The following MTAP variants were observed in gnomAD, a reference collection of about 807,000 sequenced individuals.
The protein encoded by MTAP is S-methyl-5'-thioadenosine phosphorylase.
MTAP carries 33 observed loss-of-function variants against 33.6 expected under a neutral mutation model. The ratio of observed to expected loss-of-function variants is 0.98; its 90% CI spans 0.74 to 1.31. The LOEUF is 1.31. Ranked by LOEUF, MTAP falls within the 40% of genes most tolerant of loss-of-function variation. MTAP has a pLI of 0.00. For synonymous variants in MTAP, 148 were observed against 125.7 expected (o/e 1.18, Z -1.19); for missense variants, 367 against 360.0 (o/e 1.02, Z -0.16).
At chr9:21,824,887 G>A (rs1824747648) in intron 4 of MTAP, among the ~76,000 whole-genome samples, 1 of 152,178 alleles carries the variant, frequency 6.6e-6, no homozygotes, top group Admixed American at 6.5e-5. Flanking sequence ...TGTGGGCGTG[G>A]GACCCTCCGA....
downstream of MTAP, among the ~76,000 whole-genome samples, chr9:21,940,665 T>TTA (rs1819123081): frequency 4.6e-5 from 7 of 152,122 alleles, no homozygotes; most frequent in South Asian, 1.5e-3. Context: ...GATTGCCAGT[T>TTA]TATAATGAAA....
intron 3 of MTAP, among the ~76,000 whole-genome samples, 171 bp downstream of exon 3, chr9:21,816,943 A>C (rs1824490656): frequency 6.6e-6 from 1 of 152,220 alleles, no homozygotes; most frequent in Non-Finnish European, 1.5e-5. Context: ...ATATTGACTT[A>C]GGAGATCAAA....
At chr9:21,903,167 T>C (rs116910116) in intron 1 of MTAP, among the ~76,000 whole-genome samples, 35 of 152,318 alleles carry the variant, frequency 2.3e-4, no homozygotes, top group Non-Finnish European at 4.6e-4. Flanking sequence ...ATGACTTCAA[T>C]TGCAGGATAT....
At position 21,883,370 on chromosome 9, in the gene MTAP, T is replaced by C. The variant is rs137870395; in HGVS notation, c.147+28500T>C. The stretch of plus-strand genomic sequence containing the variant: ...CATCAGTTGAACAAAAAATTAAGTA[T>C]GACAACTCCAAGTTTGGGCAAAGAT... On this transcript the variant is annotated intron_variant, in intron 1 of 1. Transcript: ENST00000577563. Among the ~76,000 whole-genome samples the C allele has an allele frequency of 1.6e-3, 239 of 152,178 alleles. 1 individual carries two copies. The highest frequency in any genetic ancestry group is 4.8e-3 in the African/African-American group (199 of 41,540).
chr9:21,876,375 A>G (rs1247184409), intron 1 of MTAP, among the ~76,000 whole-genome samples: 1 of 152,192 alleles, frequency 6.6e-6, no homozygotes, highest in African/African-American at 2.4e-5. Context: ...AAGTTTAATT[A>G]GATCACCCTT....
At chr9:21,850,732 GT>G (rs1467337619) in intron 5 of MTAP, among the ~76,000 whole-genome samples, 1 of 152,198 alleles carries the variant, frequency 6.6e-6, no homozygotes, top group Non-Finnish European at 1.5e-5. Context: ...GGGTCATCAA[GT>G]CACCATGCGA....
At chr9:21,853,681 A>G (rs2118503522) in intron 5 of MTAP, among the ~76,000 whole-genome samples, 1 of 152,340 alleles carries the variant, frequency 6.6e-6, no homozygotes, top group African/African-American at 2.4e-5. Context: ...TTAGAAGACC[A>G]GCTTAGTGCA....
intron 1 of MTAP, among the ~76,000 whole-genome samples, chr9:21,901,767 C>T (rs1290749297): frequency 6.6e-6 from 1 of 152,132 alleles, no homozygotes; most frequent in Non-Finnish European, 1.5e-5. Flanking sequence ...AAGCTTGTGA[C>T]ATTTTCTCAT....
intron 1 of MTAP, among the ~76,000 whole-genome samples, chr9:21,898,276 A>C (rs1419757399): frequency 6.6e-6 from 1 of 152,126 alleles, no homozygotes; most frequent in Non-Finnish European, 1.5e-5. Context: ...AACCATAAAA[A>C]CCCTAGATGA....
chr9:21,930,028 G>T, intron 1 of MTAP: 1 of 414,234 alleles, frequency 2.4e-6, no homozygotes, highest in Non-Finnish European at 4.8e-6. Flanking sequence ...AGTCCATTCA[G>T]TTTTGCCAGC....
At chr9:21,912,627 G>A (rs1010985365) in intron 1 of MTAP, among the ~76,000 whole-genome samples, 4 of 152,270 alleles carry the variant, frequency 2.6e-5, no homozygotes, top group African/African-American at 7.2e-5. Context: ...TTGTTGGGAT[G>A]TATCTCAAAA....
intron 4 of MTAP, among the ~76,000 whole-genome samples, chr9:21,833,095 C>A (rs1328945040): frequency 2.6e-5 from 4 of 152,124 alleles, no homozygotes; most frequent in African/African-American, 9.7e-5. Context: ...CATTGGTTTT[C>A]CTCCTTTTTC....
chr9:21,921,194 A>C lies in MTAP; in HGVS notation c.148-9814A>C, dbSNP rs546767668. Among the ~76,000 whole-genome samples the C allele has an allele frequency of 2.0e-5, 3 of 152,034 alleles. No homozygotes were observed. The South Asian group carries it at 6.2e-4, about 32-fold the overall frequency. ...AAAAGAAACTTGTGGTTTCTTTTGG[A>C]AAAAGTTGTCCATAATTGTTTTTAA... On this transcript the variant is annotated intron_variant, in intron 1 of 1. Coordinates refer to the MTAP transcript ENST00000577563.
chr9:21,850,742 G>T (rs1051976646), intron 5 of MTAP, among the ~76,000 whole-genome samples: 1 of 152,178 alleles, frequency 6.6e-6, no homozygotes, highest in African/African-American at 2.4e-5. Context: ...GTCACCATGC[G>T]ACCTGAACTG....
rs1818809345 is a variant in MTAP, at chr9:21,922,808, G to C, written c.148-8200G>C. Among the ~76,000 whole-genome samples, 1 of 152,152 alleles carries C rather than the reference G, an allele frequency of 6.6e-6. No individual in the cohort carries two copies. Among genetic ancestry groups the C allele is most frequent in the Non-Finnish European group, 1.5e-5 (1 of 68,008 alleles). On this transcript the variant is annotated intron_variant, in intron 1 of 1. Transcript: ENST00000577563. This position sits in a 1 kb window ranked among gnomAD's most constrained non-coding sequence, Gnocchi z 4.8. The stretch of plus-strand genomic sequence containing the variant: ...GCTTACCCTGACCGGTGGCTTACAG[G>C]GGTAGGAAGGACCTTGGAGTCCACA...
intron 4 of MTAP, 57 bp from the exon 5 acceptor site, chr9:21,837,851 A>G (rs1048802482): frequency 6.9e-7 from 1 of 1,438,944 alleles, no homozygotes; most frequent in Non-Finnish European, 9.7e-7. Context: ...CCCTCGGAGG[A>G]TGGAAAGATG....
At chr9:21,815,328 T>A (rs1174308220) in intron 1 of MTAP, 105 bp from the exon 2 acceptor site, 1 of 689,240 alleles carries the variant, frequency 1.5e-6, no homozygotes, top group Non-Finnish European at 2.4e-6. Context: ...AACTAGGGCT[T>A]GGCAGGAATG....
At chr9:21,809,078 T>A (rs10965145) in intron 1 of MTAP, 51,828 of 152,174 alleles carry the variant, frequency 0.34, 9,692 homozygotes, top group East Asian at 0.44. Flanking sequence ...CACCAGCACT[T>A]CTTGGCCCAT....
intron 4 of MTAP, among the ~76,000 whole-genome samples, chr9:21,825,247 T>A (rs578099651): frequency 6.6e-6 from 1 of 152,272 alleles, no homozygotes; most frequent in African/African-American, 2.4e-5. Flanking sequence ...TGGAACCGCC[T>A]CTCCCACATT....
Sources: gnomAD v4.1 joint callset for allele counts (sites outside exome capture counted in the v4.1 genomes callset) on GRCh38, gnomAD v4.1.1 for gene constraint, Gnocchi (gnomAD v3.1) non-coding constraint, MANE v1.5 for transcripts, NCBI Gene and HGNC (gene_info 2026-07-23, HGNC 2026-07-21) for gene names.